NWD2: variants seen among roughly 807,000 people sequenced by gnomAD.
The protein encoded by NWD2 is NACHT and WD repeat domain-containing protein 2.
In NWD2, 37 loss-of-function variants were observed where a neutral mutation model predicts 132.7. The observed-to-expected ratio is 0.28, with a 90% CI of 0.21 to 0.37. NWD2 has a LOEUF of 0.37. Among genes scored for constraint, NWD2 ranks in the 10% least tolerant of loss-of-function variants. The probability of loss-of-function intolerance (pLI) is 1.00; values close to 1 mark genes in which losing one functional copy is unlikely to be tolerated. For synonymous variants in NWD2, 705 were observed against 803.0 expected (o/e 0.88, Z 2.06); for missense variants, 1,592 against 2,122.4 (o/e 0.75, Z 4.91).
intron 3 of NWD2, among the ~76,000 whole-genome samples, chr4:37,419,378 A>G (rs994756695): frequency 1.3e-5 from 2 of 152,242 alleles, no homozygotes; most frequent in African/African-American, 2.4e-5. Flanking sequence ...AGCAATGGCA[A>G]CAAAAGCCAA....
At chr4:37,274,452 C>CA (rs956475166) in intron 1 of NWD2, among the ~76,000 whole-genome samples, 12 of 151,870 alleles carry the variant, frequency 7.9e-5, no homozygotes, top group African/African-American at 2.9e-4. Context: ...GCTTACCAAC[C>CA]AAAAAAAGTC....
At chr4:37,249,906 C>A (rs1016347566) in intron 1 of NWD2, among the ~76,000 whole-genome samples, 6 of 152,182 alleles carry the variant, frequency 3.9e-5, no homozygotes, top group African/African-American at 1.4e-4. Flanking sequence ...GTGGAAGTAA[C>A]AGCAAGAGAC....
intron 1 of NWD2, among the ~76,000 whole-genome samples, chr4:37,253,352 C>T (rs1717433671): frequency 6.6e-6 from 1 of 152,182 alleles, no homozygotes; most frequent in Admixed American, 6.5e-5. Context: ...ATTCTTCTAG[C>T]CACTCACTGG....
chr4:37,382,234 CAG>C (rs1482285194), intron 3 of NWD2, among the ~76,000 whole-genome samples: 4 of 152,182 alleles, frequency 2.6e-5, no homozygotes, highest in Non-Finnish European at 5.9e-5. Context: ...AAGTGAAAGA[CAG>C]AGATCAGGAA....
At chr4:37,441,183 TTTAA>T (rs1410509657) in intron 6 of NWD2, among the ~76,000 whole-genome samples, 1 of 152,264 alleles carries the variant, frequency 6.6e-6, no homozygotes, top group African/African-American at 2.4e-5. Context: ...TAGCTTTTTC[TTTAA>T]TTAAGCACCA....
In NWD2 at chr4:37,388,850, A is replaced by G. The variant is rs6832220; in HGVS notation, c.357+32368A>G. On this transcript the variant is annotated intron_variant, in intron 3 of 6. Coordinates refer to ENST00000309447, the MANE Select transcript of NWD2 (RefSeq NM_001144990.2). Reference sequence around the variant, plus strand: ...CAAAAACGTTTCCATTACCCCAGACACTCTGTACATGTTAAGCAATAACTC... The same window carrying G: ...CAAAAACGTTTCCATTACCCCAGACGCTCTGTACATGTTAAGCAATAACTC... Among the ~76,000 whole-genome samples, 1,443 of 150,584 alleles carry G rather than the reference A, an allele frequency of 9.6e-3. 27 individuals carry two copies. The highest frequency in any genetic ancestry group is 0.033 in the African/African-American group (1,353 of 41,030).
At chr4:37,421,920 T>C (rs2109323033) in intron 3 of NWD2, among the ~76,000 whole-genome samples, 1 of 152,288 alleles carries the variant, frequency 6.6e-6, no homozygotes, top group East Asian at 1.9e-4. Context: ...GTGAGGGCTG[T>C]CTTTCAGACT....
chr4:37,307,387 G>A (rs1718731075), intron 1 of NWD2, among the ~76,000 whole-genome samples: 1 of 152,040 alleles, frequency 6.6e-6, no homozygotes, highest in East Asian at 1.9e-4. Flanking sequence ...TGAAGGATAA[G>A]TTTGTTGGGT....
chr4:37,387,290 A>G (rs1238375773), intron 3 of NWD2, among the ~76,000 whole-genome samples: 1 of 151,918 alleles, frequency 6.6e-6, no homozygotes, highest in Non-Finnish European at 1.5e-5. Context: ...TTCTACACCA[A>G]TTTTTTTTAA....
At chr4:37,306,744 C>T (rs904947804) in intron 1 of NWD2, among the ~76,000 whole-genome samples, 6 of 151,968 alleles carry the variant, frequency 3.9e-5, no homozygotes, top group Admixed American at 1.3e-4. Flanking sequence ...TGTTCTGGGC[C>T]GGGTGTGGTG....
At chr4:37,362,212 G>T (rs1719994850) in intron 3 of NWD2, among the ~76,000 whole-genome samples, 1 of 152,160 alleles carries the variant, frequency 6.6e-6, no homozygotes, top group African/African-American at 2.4e-5. Context: ...TGGATTGGAA[G>T]AATCAATTCA....
At chr4:37,433,701 C>T (rs1316514874) in intron 4 of NWD2, among the ~76,000 whole-genome samples, 175 bp from the exon 5 acceptor site, 1 of 152,210 alleles carries the variant, frequency 6.6e-6, no homozygotes, top group African/African-American at 2.4e-5. Context: ...ACATGCAACA[C>T]AGAAATAATT....
intron 1 of NWD2, among the ~76,000 whole-genome samples, chr4:37,318,138 G>A (rs569801013): frequency 1.1e-4 from 17 of 148,370 alleles, no homozygotes; most frequent in African/African-American, 3.0e-4. Flanking sequence ...TGATTCTCCC[G>A]CCTCAGCCTC....
chr4:37,420,869 T>C (rs888474452), intron 3 of NWD2, among the ~76,000 whole-genome samples: 1 of 152,154 alleles, frequency 6.6e-6, no homozygotes, highest in Admixed American at 6.5e-5. Flanking sequence ...GGTTAAGTAC[T>C]CAATAAGAAT....
chr4:37,429,127 A>G (rs1350733700), intron 3 of NWD2, among the ~76,000 whole-genome samples: 3 of 152,242 alleles, frequency 2.0e-5, no homozygotes, highest in Non-Finnish European at 2.9e-5. Context: ...ATAAAAAATA[A>G]TAAACTTATT....
rs937148765 is a variant in NWD2 at position 37,332,456 on chromosome 4, G to T, written c.240+6432G>T. ...AGGCCAGAAGGTAACCTGCTGCCTT[G>T]AAAAAAAAAAAAAAAAGGACCCAGT... On this transcript the variant is annotated intron_variant, in intron 2 of 6. Coordinates refer to ENST00000309447, the MANE Select transcript of NWD2 (RefSeq NM_001144990.2). Among the ~76,000 whole-genome samples, 786 of 130,598 alleles carry T rather than the reference G, an allele frequency of 6.0e-3. 6 individuals carry two copies. The highest frequency in any genetic ancestry group is 8.7e-3 in the Non-Finnish European group (526 of 60,630). The allele number at this position is 130,598 out of a possible 152,430, so 85.7% of individuals were successfully genotyped here.
At chr4:37,356,759 A>G (rs1048202669) in intron 3 of NWD2, among the ~76,000 whole-genome samples, 11 of 152,230 alleles carry the variant, frequency 7.2e-5, no homozygotes, top group Admixed American at 2.0e-4. Flanking sequence ...CTTGTGATCA[A>G]CAATAAGGAT....
chr4:37,361,846 TAAAAGGCATCCAAATAGG>T (rs977322496), intron 3 of NWD2, among the ~76,000 whole-genome samples: 51 of 152,040 alleles, frequency 3.4e-4, no homozygotes, highest in African/African-American at 1.1e-3. Flanking sequence ...GAGAAAGAAA[TAAAAGGCATCCAAATAGG>T]AAAAGAAGAA....
intron 1 of NWD2, among the ~76,000 whole-genome samples, chr4:37,266,023 C>T (rs1260899065): frequency 6.6e-6 from 1 of 152,082 alleles, no homozygotes; most frequent in African/African-American, 2.4e-5. Flanking sequence ...TCATTCCCTA[C>T]CAGATGTCTA....
Sources: gnomAD v4.1 joint callset for allele counts (sites outside exome capture counted in the v4.1 genomes callset) on GRCh38, gnomAD v4.1.1 for gene constraint, MANE v1.5 for transcripts, NCBI Gene and HGNC (gene_info 2026-07-23, HGNC 2026-07-21) for gene names.